The following FAM151B variants were observed in gnomAD, a reference collection of about 807,000 sequenced individuals.
FAM151B encodes family with sequence similarity 151 member B, also known as protein FAM151B.
A neutral mutation model predicts 31.2 loss-of-function variants in FAM151B; 24 were observed. The ratio of observed to expected loss-of-function variants is 0.77; its 90% confidence interval spans 0.56 to 1.08. The LOEUF is 1.08. Ranked by LOEUF, FAM151B falls within the 50% of genes least tolerant of loss-of-function variation. FAM151B has a pLI of 0.00. For synonymous variants in FAM151B, 105 were observed against 111.4 expected, an observed-to-expected ratio of 0.94 and a Z score of 0.36; for missense variants, 293 against 328.6, an observed-to-expected ratio of 0.89 and a Z score of 0.84.
intron 2 of FAM151B, 54 bp from the exon 3 acceptor site, chr5:80,513,550 G>A: frequency 1.3e-6 from 2 of 1,524,844 alleles, no homozygotes. Flanking sequence ...GGTGCCTCCT[G>A]TAGTTCTGTG....
chr5:80,523,231 A>T (rs1462140486), intron 5 of FAM151B, among the ~76,000 whole-genome samples: 1 of 152,258 alleles, frequency 6.6e-6, no homozygotes, highest in Non-Finnish European at 1.5e-5. Flanking sequence ...ATACATTTGA[A>T]TACATAAAAA....
In FAM151B at chr5:80,541,747, T is replaced by C. The variant is rs1745907353; in HGVS notation, c.746T>C (p.Phe249Ser). 1.2e-6 allele frequency: 2 copies of C among 1,613,724 alleles called. No homozygotes were observed. Among genetic ancestry groups the C allele is most frequent in the Non-Finnish European group, 1.7e-6 (2 of 1,179,750 alleles). ...VEDLLYIRDHFDKKQVFYDIL... is the reference protein window; with the variant it reads ...VEDLLYIRDHSDKKQVFYDIL... ...GATTTACTTTACATTAGAGACCATT[T>C]TGACAAAAAACAAGTTTTCTATGAC... The change falls in exon 6 of 6, where the codon TTT (phenylalanine) becomes TCT (serine). Residue 249 changes from phenylalanine (F) to serine (S), a missense_variant. Transcript: ENST00000282226.
At chr5:80,500,824 C>A (rs1010697809) in intron 1 of FAM151B, 53 of 1,461,262 alleles carry the variant, frequency 3.6e-5, no homozygotes, top group Non-Finnish European at 4.8e-5. Flanking sequence ...CAATAAGAAG[C>A]GAATTGCTTT....
At chr5:80,538,903 T>C (rs553531458) in intron 5 of FAM151B, among the ~76,000 whole-genome samples, 5 of 152,020 alleles carry the variant, frequency 3.3e-5, no homozygotes, top group African/African-American at 1.2e-4. Flanking sequence ...TGGTCCCCCT[T>C]CTTTTTAAAA....
At chr5:80,498,523 TAG>T in intron 1 of FAM151B, 1 of 948,288 alleles carries the variant, frequency 1.1e-6, no homozygotes, top group South Asian at 1.3e-5. Flanking sequence ...TATTAACTCA[TAG>T]ACAATTACTT....
At chr5:80,511,720 C>T (rs375405496) in intron 2 of FAM151B, among the ~76,000 whole-genome samples, 32 of 152,246 alleles carry the variant, frequency 2.1e-4, no homozygotes, top group African/African-American at 7.2e-4. Context: ...GATTCTCCTG[C>T]CTCAGCCTCC....
At position 80,542,043 on chromosome 5, in the gene FAM151B, G is replaced by A. The variant is rs965354808; in HGVS notation, c.*211G>A. Reference sequence around the variant, plus strand: ...GGAAAGAAGAGATTTATTTACACACGTGGCCTAGTCTAATAATAATTCAGG... The same window carrying A: ...GGAAAGAAGAGATTTATTTACACACATGGCCTAGTCTAATAATAATTCAGG... On this transcript the variant is annotated 3_prime_UTR_variant, in exon 6 of 6. Transcript: ENST00000282226. The A allele has an allele frequency of 9.8e-6, 5 of 511,654 alleles. No individual in the cohort carries two copies. Among genetic ancestry groups the A allele is most frequent in the Admixed American group, 7.5e-5 (2 of 26,502 alleles). The allele number at this position is 511,654 out of a possible 1,614,324, so 31.7% of individuals were successfully genotyped here. A position where few individuals can be genotyped will look rare whatever the true frequency, so the allele number is the denominator to read the frequency against.
intron 5 of FAM151B, among the ~76,000 whole-genome samples, chr5:80,528,549 A>G (rs564236806): frequency 6.6e-6 from 1 of 152,242 alleles, no homozygotes; most frequent in South Asian, 2.1e-4. Context: ...GGAAACCAAA[A>G]AAGAGCAGGA....
At chr5:80,492,822 G>A (rs542032447) in intron 1 of FAM151B, among the ~76,000 whole-genome samples, 46 of 152,130 alleles carry the variant, frequency 3.0e-4, no homozygotes, top group African/African-American at 1.0e-3. Context: ...GCTGTGGTGG[G>A]ATGCACCTGT....
chr5:80,530,191 C>G (rs1745168480), intron 5 of FAM151B, among the ~76,000 whole-genome samples: 1 of 152,182 alleles, frequency 6.6e-6, no homozygotes, highest in Admixed American at 6.5e-5. Context: ...AACAGCCCTT[C>G]ATGCTAAAAA....
chr5:80,505,224 C>A (rs975836775), intron 2 of FAM151B, among the ~76,000 whole-genome samples: 1 of 152,102 alleles, frequency 6.6e-6, no homozygotes, highest in Non-Finnish European at 1.5e-5. Context: ...TGGTCCCAAA[C>A]TCCTGGCTGC....
rs1289493242 is a variant in FAM151B, at chr5:80,538,503, C to CTT, written c.672-3167_672-3166dup. On this transcript the variant is annotated intron_variant, in intron 5 of 5. Transcript: ENST00000282226. ...CTTTCTTTCCTTCCTTCCTTCCTTT[C>CTT]TTTTCTTTCTTTCCTTCCTTCCTTC... Among the ~76,000 whole-genome samples the CTT allele has an allele frequency of 1.5e-4, 16 of 106,564 alleles. 1 individual carries two copies. Among genetic ancestry groups the CTT allele is most frequent in the Non-Finnish European group, 3.7e-5 (2 of 53,856 alleles). The allele number at this position is 106,564 out of a possible 152,430, so 69.9% of individuals were successfully genotyped here.
chr5:80,514,043 T>TA (rs1744307130), intron 3 of FAM151B, among the ~76,000 whole-genome samples: 1 of 152,138 alleles, frequency 6.6e-6, no homozygotes, highest in Non-Finnish European at 1.5e-5. Flanking sequence ...CTACATATGT[T>TA]AAAAAGTAAC....
chr5:80,488,219 C>G, intron 1 of FAM151B, 71 bp downstream of exon 1: 2 of 1,490,942 alleles, frequency 1.3e-6, no homozygotes, highest in Non-Finnish European at 1.8e-6. Context: ...CGTACCCTCC[C>G]TTTGCGGGCT....
intron 5 of FAM151B, among the ~76,000 whole-genome samples, chr5:80,527,470 A>G (rs2112656650): frequency 6.6e-6 from 1 of 152,250 alleles, no homozygotes; most frequent in South Asian, 2.1e-4. Flanking sequence ...TCATTGTGTG[A>G]ACATCATAGG....
At chr5:80,537,836 G>A (rs1745589684) in intron 5 of FAM151B, among the ~76,000 whole-genome samples, 1 of 151,862 alleles carries the variant, frequency 6.6e-6, no homozygotes, top group South Asian at 2.1e-4. Flanking sequence ...TAAGTTTTTT[G>A]TGTGTTACTT....
intron 2 of FAM151B, chr5:80,506,201 C>A: frequency 1.3e-6 from 1 of 768,526 alleles, no homozygotes; most frequent in Non-Finnish European, 1.6e-6. Context: ...CCATGGTGGG[C>A]AAGTGATCAA....
chr5:80,488,877 GT>G (rs1460374162), intron 1 of FAM151B, among the ~76,000 whole-genome samples: 1 of 151,904 alleles, frequency 6.6e-6, no homozygotes, highest in Non-Finnish European at 1.5e-5. Context: ...AAATGTCCAG[GT>G]CCTGATAAAT....
intron 4 of FAM151B, among the ~76,000 whole-genome samples, chr5:80,520,897 C>CTCCCAGGT (rs1263842768): frequency 2.2e-4 from 33 of 149,212 alleles, no homozygotes; most frequent in African/African-American, 7.8e-4. Flanking sequence ...CAACCTCCAC[C>CTCCCAGGT]TCCCAGGTTC....
Sources: allele counts gnomAD v4.1 joint callset (sites outside exome capture counted in the v4.1 genomes callset), GRCh38; gene constraint gnomAD v4.1.1; transcripts MANE v1.5; gene names NCBI Gene and HGNC (gene_info 2026-07-23, HGNC 2026-07-21).